The following NUP153 variants were observed in gnomAD, a reference collection of about 807,000 sequenced individuals.
NUP153 encodes the protein nuclear pore complex protein Nup153.
A neutral mutation model predicts 134.6 loss-of-function variants in NUP153; 27 were observed. The ratio of observed to expected loss-of-function variants is 0.20; its 90% CI spans 0.15 to 0.28. NUP153 has a LOEUF of 0.28. NUP153 is among the 10% of genes least tolerant of loss of function. The probability of loss-of-function intolerance (pLI) is 1.00; values close to 1 mark genes in which losing one functional copy is unlikely to be tolerated. For missense variants in NUP153, 1,821 were observed against 1,731.3 expected (o/e 1.05, Z -0.92); for synonymous variants, 640 against 623.5 (o/e 1.03, Z -0.40).
chr6:17,674,234 T>C (rs977051425), intron 5 of NUP153, among the ~76,000 whole-genome samples: 4 of 152,106 alleles, frequency 2.6e-5, no homozygotes, highest in African/African-American at 9.7e-5. Flanking sequence ...TGATCAATAT[T>C]TGATTGTAGA....
intron 18 of NUP153, 89 bp from the exon 19 acceptor site, chr6:17,626,253 C>G: frequency 1.1e-6 from 1 of 948,208 alleles, no homozygotes. Context: ...CTAGAATTTT[C>G]CTACCCTAGA....
At chr6:17,654,250 T>C (rs1766673001) in intron 11 of NUP153, among the ~76,000 whole-genome samples, 1 of 152,048 alleles carries the variant, frequency 6.6e-6, no homozygotes, top group Admixed American at 6.6e-5. Context: ...AACTATATAA[T>C]CTACTCTCTC....
chr6:17,653,839 AATTTAT>A (rs1427274741), intron 11 of NUP153, among the ~76,000 whole-genome samples: 7 of 152,214 alleles, frequency 4.6e-5, no homozygotes, highest in African/African-American at 1.4e-4. Flanking sequence ...GCATTTGTCA[AATTTAT>A]TAAATGGCAC....
At chr6:17,652,209 C>G (rs763643125) in intron 11 of NUP153, among the ~76,000 whole-genome samples, 4 of 152,098 alleles carry the variant, frequency 2.6e-5, no homozygotes, top group Non-Finnish European at 5.9e-5. Context: ...TATCAGCTTA[C>G]TTCTACAGAT....
chr6:17,674,237 AT>A (rs1321245448), intron 5 of NUP153, among the ~76,000 whole-genome samples: 2 of 152,188 alleles, frequency 1.3e-5, no homozygotes, highest in Admixed American at 1.3e-4. Flanking sequence ...TCAATATTTG[AT>A]TGTAGAAGTG....
At chr6:17,642,863 G>A (rs1765902982) in intron 14 of NUP153, among the ~76,000 whole-genome samples, 1 of 152,200 alleles carries the variant, frequency 6.6e-6, no homozygotes, top group South Asian at 2.1e-4. Flanking sequence ...TAAAAGGAAT[G>A]AAGTATTGAG....
intron 16 of NUP153, among the ~76,000 whole-genome samples, chr6:17,633,318 AAGC>A (rs1002029273): frequency 3.9e-5 from 6 of 152,240 alleles, no homozygotes. Flanking sequence ...CAAGATTTGA[AAGC>A]ATAGATCTCT....
At chr6:17,677,024 T>G (rs1561897385) in intron 2 of NUP153, among the ~76,000 whole-genome samples, 1 of 152,204 alleles carries the variant, frequency 6.6e-6, no homozygotes. Flanking sequence ...GCTGCCAGAA[T>G]TTAAAGATCT....
At chr6:17,687,991 C>T (rs185530408) in intron 2 of NUP153, among the ~76,000 whole-genome samples, 164 of 151,912 alleles carry the variant, frequency 1.1e-3, no homozygotes, top group African/African-American at 3.7e-3. Flanking sequence ...TGGTGGCAGG[C>T]GCCTGTAGTC....
At chr6:17,670,957 C>T (rs1357807337) in intron 5 of NUP153, among the ~76,000 whole-genome samples, 1 of 151,942 alleles carries the variant, frequency 6.6e-6, no homozygotes, top group African/African-American at 2.4e-5. Context: ...ATTACAGGCA[C>T]GTCCAACTGC....
chr6:17,620,925 T>C (rs1581657044), intron 20 of NUP153, among the ~76,000 whole-genome samples: 1 of 151,990 alleles, frequency 6.6e-6, no homozygotes, highest in Non-Finnish European at 1.5e-5. Context: ...GAGTGAAAAA[T>C]TTGTTGAAAG....
At chr6:17,704,758 A>C (rs888402507) in intron 1 of NUP153, among the ~76,000 whole-genome samples, 22 of 148,542 alleles carry the variant, frequency 1.5e-4, no homozygotes, top group Non-Finnish European at 2.1e-4. Context: ...TCAAATCTTT[A>C]CTTTTTTTTT....
At chr6:17,699,397 T>C (rs9465053) in intron 1 of NUP153, among the ~76,000 whole-genome samples, 48,287 of 149,746 alleles carry the variant, frequency 0.32, 7,898 homozygotes, top group African/African-American at 0.35. Flanking sequence ...GCAGGAGAAT[T>C]GCTTGAACCT....
intron 5 of NUP153, among the ~76,000 whole-genome samples, chr6:17,672,798 G>A (rs1339128322): frequency 6.6e-6 from 1 of 152,086 alleles, no homozygotes; most frequent in African/African-American, 2.4e-5. Flanking sequence ...GAGCAACGTA[G>A]TAAGACTCCT....
intron 16 of NUP153, 113 bp from the exon 17 acceptor site, chr6:17,632,957 T>G: frequency 1.4e-6 from 1 of 716,284 alleles, no homozygotes; most frequent in Non-Finnish European, 2.1e-6. Flanking sequence ...TTTCTAATAA[T>G]ATTTCCTATT....
intron 13 of NUP153, among the ~76,000 whole-genome samples, chr6:17,646,958 T>C (rs1201960160): frequency 2.0e-5 from 3 of 149,264 alleles, no homozygotes; most frequent in South Asian, 4.2e-4. Context: ...GGTTCCACTA[T>C]GTTGGTCAGG....
At chr6:17,661,908 T>G (rs1342876226) in intron 10 of NUP153, 110 bp downstream of exon 10, 1 of 1,291,000 alleles carries the variant, frequency 7.7e-7, no homozygotes, top group Non-Finnish European at 1.1e-6. Flanking sequence ...GATTTCTTTA[T>G]ATAAAGTTTC....
At chr6:17,646,371 C>G (rs1225544382) in intron 13 of NUP153, among the ~76,000 whole-genome samples, 1 of 152,086 alleles carries the variant, frequency 6.6e-6, no homozygotes, top group Non-Finnish European at 1.5e-5. Context: ...CCACACCCGG[C>G]TAATTTTTTG....
intron 8 of NUP153, among the ~76,000 whole-genome samples, chr6:17,666,917 C>T (rs1427010268): frequency 1.3e-5 from 2 of 152,200 alleles, no homozygotes; most frequent in Non-Finnish European, 2.9e-5. Flanking sequence ...AAAACCTCTT[C>T]GCAAATGTGA....
Sources: allele counts gnomAD v4.1 joint callset (sites outside exome capture counted in the v4.1 genomes callset), GRCh38; gene constraint gnomAD v4.1.1; transcripts MANE v1.5; gene names NCBI Gene and HGNC (gene_info 2026-07-23, HGNC 2026-07-21).